The following KANSL3 variants were observed in gnomAD, a reference collection of about 807,000 sequenced individuals.
KANSL3 encodes the protein KAT8 regulatory NSL complex subunit 3.
A neutral mutation model predicts 89.2 loss-of-function variants in KANSL3; 16 were observed. That is an observed-to-expected ratio of 0.18 (90% CI 0.12 to 0.27). The LOEUF (loss-of-function observed/expected upper bound fraction) is 0.27, where lower values mean the gene tolerates loss of function less well. Among genes scored for constraint, KANSL3 ranks in the 10% least tolerant of loss-of-function variants. The probability of loss-of-function intolerance (pLI) is 1.00; values close to 1 mark genes in which losing one functional copy is unlikely to be tolerated. For synonymous variants in KANSL3, 385 were observed against 419.7 expected (o/e 0.92, Z 1.01); for missense variants, 879 against 1,110.6 (o/e 0.79, Z 2.96).
chr2:96,608,916 C>T lies in KANSL3; in HGVS notation c.1532G>A (p.Ser511Asn). ...DLAFEVPERG[S>N]RPASPAAKLP... ...CTTGGCAGCTGGGGAGGCAGGTCGACTGCCCCGCTCAGGGACTTCAAAGGC... is the reference window on the plus strand; with the variant it reads ...CTTGGCAGCTGGGGAGGCAGGTCGATTGCCCCGCTCAGGGACTTCAAAGGC... The change falls in exon 13 of 21, where the codon AGT (serine) becomes AAT (asparagine). Residue 511 changes from serine (S) to asparagine (N), a missense_variant. Transcript: ENST00000431828. The T allele has an allele frequency of 6.4e-7, 1 of 1,572,108 alleles. No individual in the cohort carries two copies. Among genetic ancestry groups the T allele is most frequent in the Non-Finnish European group, 8.6e-7 (1 of 1,158,754 alleles).
Position 96,605,601 on chromosome 2 carries a change from A to G in KANSL3, c.1742-90T>C, listed in dbSNP as rs547460445. ...TACCAGCACCAACACAGCCATGTGTAGAATGTAGAACACACAGGATAACCA... is the reference window on the plus strand; with the variant it reads ...TACCAGCACCAACACAGCCATGTGTGGAATGTAGAACACACAGGATAACCA... On this transcript the variant is annotated intron_variant, in intron 14 of 20. Transcript: ENST00000431828. 2.1e-4 allele frequency: 228 copies of G among 1,082,860 alleles called. 1 individual carries two copies. The South Asian group carries it at 3.0e-3, about 14-fold the overall frequency. The allele number at this position is 1,082,860 out of a possible 1,614,324, so 67.1% of individuals were successfully genotyped here.
At chr2:96,624,989 T>C (rs2072036470) in intron 3 of KANSL3, among the ~76,000 whole-genome samples, 1 of 152,004 alleles carries the variant, frequency 6.6e-6, no homozygotes, top group African/African-American at 2.4e-5. Flanking sequence ...GCGGATCACC[T>C]GAGGTCAGAA....
chr2:96,614,494 G>A (rs775058178), intron 5 of KANSL3, among the ~76,000 whole-genome samples: 29 of 152,120 alleles, frequency 1.9e-4, no homozygotes, highest in Admixed American at 8.5e-4. Flanking sequence ...CTCAAAGCTG[G>A]GCTCAGCGAC....
At chr2:96,601,045 C>G (rs2067107165) in intron 20 of KANSL3, 1 of 319,048 alleles carries the variant, frequency 3.1e-6, no homozygotes, top group African/African-American at 2.3e-5. Context: ...CCAGCACTTT[C>G]AGAGGCCGAG....
chr2:96,624,736 G>A (rs1191707585), intron 3 of KANSL3, among the ~76,000 whole-genome samples: 4 of 151,856 alleles, frequency 2.6e-5, no homozygotes, highest in Non-Finnish European at 2.9e-5. Context: ...TGGCCAGGCC[G>A]GTCTCAAACT....
At chr2:96,622,545 T>C (rs1208071884) in intron 3 of KANSL3, among the ~76,000 whole-genome samples, 1 of 152,216 alleles carries the variant, frequency 6.6e-6, no homozygotes, top group Non-Finnish European at 1.5e-5. Context: ...ATTCTGTTGA[T>C]GGAAATATAA....
At position 96,631,341 on chromosome 2, in the gene KANSL3, T is replaced by C. The variant is rs1420450725; in HGVS notation, c.357A>G (p.Pro119=). ...FARTDADAPP[P]PEDWEEHVNR... is the part of the protein sequence containing the mutation. ...TGACATGCTCCTCCCAGTCCTCTGG[T>C]GGAGGAGGGGCATCTGCATCAGTCC... The change falls in exon 3 of 21, where the codon CCA becomes CCG. Residue 119 remains proline, a synonymous_variant. Coordinates refer to ENST00000431828, the MANE Select transcript of KANSL3 (RefSeq NM_001115016.3). 1 of 1,612,798 alleles carries C rather than the reference T, an allele frequency of 6.2e-7. No homozygotes were observed. Among genetic ancestry groups the C allele is most frequent in the South Asian group, 1.1e-5 (1 of 90,912 alleles).
intron 20 of KANSL3, among the ~76,000 whole-genome samples, chr2:96,596,208 C>T (rs1362590709): frequency 1.3e-5 from 2 of 152,174 alleles, no homozygotes; most frequent in African/African-American, 2.4e-5. Flanking sequence ...CAACGCTTTC[C>T]CCACTTTTCT....
At chr2:96,600,857 A>T (rs1045417111) in intron 20 of KANSL3, 1 of 985,334 alleles carries the variant, frequency 1.0e-6, no homozygotes, top group Non-Finnish European at 1.2e-6. Context: ...AAGATATGGG[A>T]AGGCACAGTG....
downstream of KANSL3, among the ~76,000 whole-genome samples, chr2:96,591,674 C>T (rs1365379311): frequency 6.6e-6 from 1 of 152,110 alleles, no homozygotes; most frequent in Non-Finnish European, 1.5e-5. Context: ...TATGATTGGA[C>T]TGGGTGGGAA....
At chr2:96,607,506 T>A (rs1052815023) in intron 14 of KANSL3, among the ~76,000 whole-genome samples, 5 of 152,152 alleles carry the variant, frequency 3.3e-5, no homozygotes, top group Non-Finnish European at 5.9e-5. Flanking sequence ...TCTGTCTTCT[T>A]CAGAAGTGTA....
At chr2:96,629,173 TC>T (rs1476832370) in intron 3 of KANSL3, among the ~76,000 whole-genome samples, 1 of 152,214 alleles carries the variant, frequency 6.6e-6, no homozygotes, top group African/African-American at 2.4e-5. Context: ...AAACGGTAGC[TC>T]CTTTTTGTTA....
chr2:96,612,182 T>C (rs780517072), intron 9 of KANSL3, 100 bp downstream of exon 9: 37 of 819,522 alleles, frequency 4.5e-5, no homozygotes, highest in Non-Finnish European at 7.5e-5. Flanking sequence ...AGGTAAAGTA[T>C]CTAGCGCAGA....
chr2:96,610,772 C>G lies in KANSL3; in HGVS notation c.1273G>C (p.Ala425Pro). 6.2e-7 allele frequency: 1 copy of G among 1,614,020 alleles called. No homozygotes were observed. The highest frequency in any genetic ancestry group is 8.5e-7 in the Non-Finnish European group (1 of 1,179,900). ...CCAACCACCACCAAGCTGTTCTCAGCTCGAATCTTCTCCCGGAAGTCCTCC... is the reference window on the plus strand; with the variant it reads ...CCAACCACCACCAAGCTGTTCTCAGGTCGAATCTTCTCCCGGAAGTCCTCC... ...AMEDFREKIRAENSLVVVGGA... is the reference protein window; with the variant it reads ...AMEDFREKIRPENSLVVVGGA... The change falls in exon 11 of 21, where the codon GCT becomes CCT. Residue 425 changes from alanine to proline, a missense_variant. Ala to Pro is a conservative substitution (Grantham distance 27). Coordinates refer to ENST00000431828, the MANE Select transcript of KANSL3 (RefSeq NM_001115016.3).
chr2:96,633,412 A>G (rs1401483262), intron 2 of KANSL3, among the ~76,000 whole-genome samples: 1 of 152,080 alleles, frequency 6.6e-6, no homozygotes, highest in East Asian at 1.9e-4. Flanking sequence ...TCTACTTAAA[A>G]AAAACAAAAA....
At chr2:96,597,242 T>C (rs932615802) in intron 20 of KANSL3, among the ~76,000 whole-genome samples, 1 of 152,204 alleles carries the variant, frequency 6.6e-6, no homozygotes, top group Non-Finnish European at 1.5e-5. Context: ...AAATTTCCAA[T>C]TGCCTCATAA....
chr2:96,582,161 G>A, the KANSL3 span, among the ~76,000 whole-genome samples: 16 of 152,124 alleles, frequency 1.1e-4, no homozygotes, highest in Middle Eastern at 3.2e-3. Flanking sequence ...AGGCCAAGAC[G>A]GGCGGATGAC....
At chr2:96,628,114 CT>C in intron 3 of KANSL3, 1 of 1,290,126 alleles carries the variant, frequency 7.8e-7, no homozygotes, top group African/African-American at 1.5e-5. Flanking sequence ...AGACAAGAAT[CT>C]GTCAGTGTTT....
In KANSL3 at chr2:96,611,045, A is replaced by T. The variant is rs2276652; in HGVS notation, c.1161+19T>A. ...TCCCACTGCCAATGACCCAGCACTC[A>T]GCTTTACCACATTCTTACCCCTCTG... On this transcript the variant is annotated intron_variant, in intron 10 of 20. Coordinates refer to ENST00000431828, the MANE Select transcript of KANSL3 (RefSeq NM_001115016.3). 2.4e-5 allele frequency: 38 copies of T among 1,613,088 alleles called. No homozygotes were observed. In the East Asian group the frequency reaches 8.5e-4, roughly 36 times the overall value.
Sources: allele counts gnomAD v4.1 joint callset (sites outside exome capture counted in the v4.1 genomes callset), GRCh38; gene constraint gnomAD v4.1.1; transcripts MANE v1.5; gene names NCBI Gene and HGNC (gene_info 2026-07-23, HGNC 2026-07-21).